The following NRXN2 variants were observed in gnomAD, a reference collection of about 807,000 sequenced individuals.
NRXN2 encodes neurexin-2-beta.
A neutral mutation model predicts 128.8 loss-of-function variants in NRXN2; 29 were observed. The ratio of observed to expected loss-of-function variants is 0.23; its 90% CI spans 0.17 to 0.31. NRXN2 has a LOEUF of 0.31. Ranked by LOEUF, NRXN2 falls within the 10% of genes least tolerant of loss-of-function variation. NRXN2 has a pLI of 1.00. For synonymous variants in NRXN2, 1,098 were observed against 1,075.2 expected, an observed-to-expected ratio of 1.02 and a Z score of -0.41; for missense variants, 1,881 against 2,452.6, an observed-to-expected ratio of 0.77 and a Z score of 4.92.
chr11:64,689,263 G>GTTTTTTT (rs1379143687), intron 5 of NRXN2, among the ~76,000 whole-genome samples: 1 of 150,356 alleles, frequency 6.7e-6, no homozygotes, highest in Non-Finnish European at 1.5e-5. Flanking sequence ...TTTTAATGGA[G>GTTTTTTT]TCTCACCATG....
chr11:64,713,091 G>T lies in NRXN2; in HGVS notation c.609C>A (p.Asp203Glu). Reference sequence around the variant, plus strand: ...GGTTGCGCGCGGGCGCGCACAGCGGGTCGGCGGTGGCGCCGCGCAGGCCCT... The same window carrying T: ...GGTTGCGCGCGGGCGCGCACAGCGGTTCGGCGGTGGCGCCGCGCAGGCCCT... ...GSQGLRGATA[D>E]PLCAPARNPC... Residue 203 changes from aspartate (D) to glutamate (E), a missense_variant, in exon 2 of 23, where the codon GAC (aspartate) becomes GAA (glutamate). By Grantham distance (45) the Asp-to-Glu change is conservative. This residue lies in a region of NRXN2 where 997 missense variants were observed against 1,240.8 expected (regional missense o/e 0.80). Coordinates refer to ENST00000265459, the MANE Select transcript of NRXN2 (RefSeq NM_015080.4). 1 of 1,315,154 alleles carries T rather than the reference G, an allele frequency of 7.6e-7. No homozygotes were observed. The highest frequency in any genetic ancestry group is 2.3e-5 in the South Asian group (1 of 44,224). 81.5% of individuals were successfully genotyped at this position (1,315,154 alleles called of 1,614,324 possible).
intron 17 of NRXN2, among the ~76,000 whole-genome samples, chr11:64,639,025 T>C (rs1254336003): frequency 6.6e-6 from 1 of 152,204 alleles, no homozygotes; most frequent in African/African-American, 2.4e-5. Context: ...AAACCACCCA[T>C]GCAGTGATGC....
At chr11:64,704,980 TA>T (rs2080624385) in intron 2 of NRXN2, among the ~76,000 whole-genome samples, 1 of 152,212 alleles carries the variant, frequency 6.6e-6, no homozygotes, top group African/African-American at 2.4e-5. Flanking sequence ...TTTAATAGGA[TA>T]ATGCCCTGCT....
intron 18 of NRXN2, among the ~76,000 whole-genome samples, chr11:64,633,786 C>A (rs1217931599): frequency 6.6e-5 from 10 of 152,182 alleles, no homozygotes; most frequent in Admixed American, 6.5e-4. Flanking sequence ...GCCACACTGT[C>A]TTTCGCTTGC....
chr11:64,642,835 A>C (rs1311554056), intron 17 of NRXN2: 2 of 1,027,544 alleles, frequency 1.9e-6, no homozygotes, highest in East Asian at 8.2e-5. Flanking sequence ...TCACAGCCCC[A>C]TGGCCGGGGG....
intron 5 of NRXN2, 47 bp downstream of exon 5, chr11:64,690,358 C>T (rs2053632269): frequency 6.4e-7 from 1 of 1,555,738 alleles, no homozygotes; most frequent in African/African-American, 1.3e-5. Flanking sequence ...AGTTAGCCTG[C>T]AGCAGGATGA....
rs1302562611 is a variant in NRXN2 at position 64,714,719 on chromosome 11, CTT to C, written c.-244-778_-244-777del. ...GGACTGGCCCCACTACCTGGGCTCTCTTTACCCCTCAGTTCCCTCTGCCCACC... is the reference window on the plus strand; with the variant it reads ...GGACTGGCCCCACTACCTGGGCTCTCTACCCCTCAGTTCCCTCTGCCCACC... On this transcript the variant is annotated intron_variant, in intron 1 of 22. Transcript: ENST00000265459. The surrounding 1 kb of genome is among the most constrained non-coding windows in gnomAD (Gnocchi z 4.5). 1.3e-5 allele frequency among the ~76,000 whole-genome samples: 2 copies of C among 152,210 alleles called. No homozygotes were observed. The highest frequency in any genetic ancestry group is 1.9e-4 in the East Asian group (1 of 5,200).
At position 64,607,492 on chromosome 11, in the gene NRXN2, TG is replaced by T; in HGVS notation, c.4842del (p.Thr1615GlnfsTer14). ...PGFPHLPTAN[P>X]TGPGERGPPG... ...GGCGGGCCCCGCTCCCCAGGCCCTGTGGGGTTGGCTGTGGGCAGATGGGGGA... is the reference window on the plus strand; with the variant it reads ...GGCGGGCCCCGCTCCCCAGGCCCTGTGGGTTGGCTGTGGGCAGATGGGGGA... On this transcript the variant is annotated frameshift_variant, in exon 23 of 23. Coordinates refer to ENST00000265459, the MANE Select transcript of NRXN2 (RefSeq NM_015080.4). LOFTEE classifies it high-confidence loss of function. The T allele has an allele frequency of 6.2e-7, 1 of 1,600,684 alleles. No individual in the cohort carries two copies.
In NRXN2 at chr11:64,714,980, GA is replaced by G. The variant is rs1484771043; in HGVS notation, c.-244-1038del. 6.6e-6 allele frequency among the ~76,000 whole-genome samples: 1 copy of G among 152,078 alleles called. No homozygotes were observed. Among genetic ancestry groups the G allele is most frequent in the Non-Finnish European group, 1.5e-5 (1 of 68,014 alleles). On this transcript the variant is annotated intron_variant, in intron 1 of 22. Coordinates refer to ENST00000265459, the MANE Select transcript of NRXN2 (RefSeq NM_015080.4). This position sits in a 1 kb window ranked among gnomAD's most constrained non-coding sequence, Gnocchi z 4.5. ...AGGGAGGGAGAGAAGGAGGTGGGGA[GA>G]AGCCTGGGAGAGAAGCAGGGAGGGG...
chr11:64,694,721 A>G (rs538409669), intron 3 of NRXN2, among the ~76,000 whole-genome samples: 1 of 152,204 alleles, frequency 6.6e-6, no homozygotes, highest in East Asian at 1.9e-4. Flanking sequence ...TTCCCCAAAA[A>G]CTACCAGCAT....
chr11:64,682,112 C>A (rs1159976843), intron 6 of NRXN2, among the ~76,000 whole-genome samples: 5 of 151,668 alleles, frequency 3.3e-5, no homozygotes, highest in African/African-American at 1.2e-4. Context: ...TGGACTCCAA[C>A]CTTGGGGACT....
In NRXN2 at chr11:64,667,330, C is replaced by A. The variant is rs1176169450; in HGVS notation, c.1718G>T (p.Gly573Val). ...GCGGCTGGATGCCCGCAGCTTGATG[C>A]CCCCAGATCCCATGTCCAGCAGAAG... The part of the protein sequence containing the change: ...LYLLLDMGSG[G>V]IKLRASSRKV... The change falls in exon 9 of 23, where the codon GGC becomes GTC. Residue 573 changes from glycine (G) to valine (V), a missense_variant. Transcript: ENST00000265459. This position sits in a 1 kb window ranked among gnomAD's most constrained non-coding sequence, Gnocchi z 5.6. 6.2e-7 allele frequency: 1 copy of A among 1,614,212 alleles called. No individual in the cohort carries two copies. The highest frequency in any genetic ancestry group is 1.7e-5 in the Admixed American group (1 of 60,030).
chr11:64,668,560 C>T lies in NRXN2; in HGVS notation c.1242G>A (p.Thr414=), dbSNP rs1346552345. The T allele has an allele frequency of 4.3e-6, 7 of 1,613,884 alleles. No homozygotes were observed. Among genetic ancestry groups the T allele is most frequent in the Admixed American group, 1.7e-5 (1 of 60,004 alleles). The change falls in exon 8 of 23, where the codon ACG becomes ACA. Residue 414 remains threonine, a synonymous_variant. Transcript: ENST00000265459. ...VDGILTTTGY[T]QEDYTMLGSD... is the part of the protein sequence containing the mutation. Reference sequence around the variant, plus strand: ...AGCCCAGCATGGTGTAATCCTCCTGCGTGTAGCCTGTGGTGGTCAGGATCC... The same window carrying T: ...AGCCCAGCATGGTGTAATCCTCCTGTGTGTAGCCTGTGGTGGTCAGGATCC...
At chr11:64,653,996 T>G (rs1591830893) in intron 11 of NRXN2, among the ~76,000 whole-genome samples, 1 of 151,972 alleles carries the variant, frequency 6.6e-6, no homozygotes, top group South Asian at 2.1e-4. Flanking sequence ...TCTTAGAGGG[T>G]ACCAGGCCTC....
In NRXN2 at chr11:64,648,306, C is replaced by T; in HGVS notation, c.3316G>A (p.Ala1106Thr). ...TGCTGCAAGCAGACGCCCTGGTTGGCACAGGACTCTTCAGTGCAGGTGGTG... is the reference window on the plus strand; with the variant it reads ...TGCTGCAAGCAGACGCCCTGGTTGGTACAGGACTCTTCAGTGCAGGTGGTG... ...PSTTCTEESC[A>T]NQGVCLQQWD... The change falls in exon 17 of 23, where the codon GCC (alanine) becomes ACC (threonine). Residue 1106 changes from alanine to threonine, a missense_variant. This residue lies in a region of NRXN2 where 390 missense variants were observed against 599.6 expected (regional missense o/e 0.65). Coordinates refer to ENST00000265459, the MANE Select transcript of NRXN2 (RefSeq NM_015080.4). This position sits in a 1 kb window ranked among gnomAD's most constrained non-coding sequence, Gnocchi z 4.1. 6.2e-7 allele frequency: 1 copy of T among 1,614,222 alleles called. No homozygotes were observed. The highest frequency in any genetic ancestry group is 1.1e-5 in the South Asian group (1 of 91,088).
chr11:64,720,200 T>C (rs547289699), intron 1 of NRXN2, among the ~76,000 whole-genome samples: 80 of 152,308 alleles, frequency 5.3e-4, no homozygotes, highest in Non-Finnish European at 9.3e-4. Flanking sequence ...GGGAAGCAGC[T>C]TCGTAAATAA....
chr11:64,694,329 G>A (rs1441971095), intron 3 of NRXN2, among the ~76,000 whole-genome samples: 6 of 152,230 alleles, frequency 3.9e-5, no homozygotes, highest in Non-Finnish European at 7.3e-5. Context: ...ATAGAAAGCT[G>A]GGGCCAGGAT....
At chr11:64,691,971 C>T (rs1436512317) in intron 4 of NRXN2, among the ~76,000 whole-genome samples, 1 of 152,196 alleles carries the variant, frequency 6.6e-6, no homozygotes, top group African/African-American at 2.4e-5. Flanking sequence ...AAGGCCAAAA[C>T]CCTGAGCTCA....
chr11:64,652,538 C>A (rs371077659), intron 12 of NRXN2, among the ~76,000 whole-genome samples: 4 of 152,154 alleles, frequency 2.6e-5, no homozygotes, highest in African/African-American at 4.8e-5. Context: ...CCCCCAGATT[C>A]CTAAGGGCCT....
Sources: allele counts gnomAD v4.1 joint callset (sites outside exome capture counted in the v4.1 genomes callset), GRCh38; gene constraint gnomAD v4.1.1; regional missense constraint gnomAD v4.1.1; non-coding constraint Gnocchi (gnomAD v3.1); transcripts MANE v1.5; gene names NCBI Gene and HGNC (gene_info 2026-07-23, HGNC 2026-07-21).